Variants in NBPF26 observed in about 807,000 individuals in gnomAD.
The protein encoded by NBPF26 is NBPF member 26.
Under a neutral mutation model 119.6 loss-of-function variants are expected in NBPF26, and 79 were observed. The ratio of observed to expected loss-of-function variants is 0.66; its 90% CI spans 0.55 to 0.80. The LOEUF (loss-of-function observed/expected upper bound fraction) is 0.80. Among genes scored for constraint, NBPF26 ranks in the 30% least tolerant of loss-of-function variants. The pLI is 0.00. For missense variants in NBPF26, 800 were observed against 1,198.2 expected (o/e 0.67, Z 4.91); for synonymous variants, 299 against 457.7 (o/e 0.65, Z 4.43).
chr1:120,728,057 G>T lies in NBPF26; in HGVS notation c.73+3807G>T, dbSNP rs1448173754. On this transcript the variant is annotated intron_variant, in intron 1 of 29. Coordinates refer to ENST00000620612, the Ensembl canonical transcript of NBPF26. ...GTTGAGACTAGAATTCCTTTCTTCT[G>T]GTGTCCAGTGCCTCATTCACTGTCC... Among the ~76,000 whole-genome samples, 3 of 118,168 alleles carry T rather than the reference G, an allele frequency of 2.5e-5. 1 individual carries two copies. The highest frequency in any genetic ancestry group is 4.9e-5 in the Non-Finnish European group (3 of 61,268). 77.5% of individuals were successfully genotyped at this position (118,168 alleles called of 152,430 possible). A position where few individuals can be genotyped will look rare whatever the true frequency, so the allele number is the denominator to read the frequency against.
At chr1:120,810,555 C>A (rs1310902039) in exon 9 of NBPF26, 4 of 1,489,662 alleles carry the variant, frequency 2.7e-6, no homozygotes, top group Non-Finnish European at 2.7e-6. Flanking sequence ...AAACATTCTC[C>A]CAGGTAGCCT....
In NBPF26 at chr1:120,730,126, T is replaced by C. The variant is rs1650859809; in HGVS notation, c.73+5876T>C. On this transcript the variant is annotated intron_variant, in intron 1 of 29. Coordinates refer to ENST00000620612, the Ensembl canonical transcript of NBPF26. The stretch of plus-strand genomic sequence containing the variant: ...AAGCCTCCTTATTCCTCCATTAGAA[T>C]GTTACCTGAGATGTTAGAATGCATA... Among the ~76,000 whole-genome samples the C allele has an allele frequency of 9.2e-5, 6 of 65,454 alleles. 1 individual carries two copies. In the Admixed American group the frequency reaches 1.0e-3, roughly 11 times the overall value. The allele number at this position is 65,454 out of a possible 152,430, so 42.9% of individuals were successfully genotyped here.
chr1:120,820,456 A>G (rs1219196299), intron 15 of NBPF26, among the ~76,000 whole-genome samples: 2 of 19,524 alleles, frequency 1.0e-4, no homozygotes, highest in African/African-American at 3.8e-4. Flanking sequence ...AAATATATAT[A>G]TATATATATA....
At chr1:120,819,276 T>G (rs1652080303) in intron 15 of NBPF26, among the ~76,000 whole-genome samples, 1 of 117,692 alleles carries the variant, frequency 8.5e-6, no homozygotes, top group Non-Finnish European at 1.6e-5. Context: ...TTAAAGTCTG[T>G]TTTATCAGAG....
chr1:120,763,656 CTGTGTAAATAAAGGAATG>C (rs1651157206), exon 2 of NBPF26: 1 of 1,412,320 alleles, frequency 7.1e-7, no homozygotes, highest in Non-Finnish European at 9.5e-7. Flanking sequence ...GCTATGAACC[CTGTGTAAATAAAGGAATG>C]TGTGTTACCT....
chr1:120,814,740 G>C, intron 11 of NBPF26, 89 bp from the exon 12 acceptor site: 2 of 822,620 alleles, frequency 2.4e-6, no homozygotes, highest in Middle Eastern at 3.4e-4. Flanking sequence ...GTCTCCTTGA[G>C]GACATTGTCT....
chr1:120,755,949 T>C (rs1293178539), intron 1 of NBPF26, among the ~76,000 whole-genome samples: 1 of 108,226 alleles, frequency 9.2e-6, no homozygotes, highest in African/African-American at 5.7e-5. Flanking sequence ...TTTTTTTTTT[T>C]TTTTTTCCTT....
chr1:120,811,876 T>C lies in NBPF26; in HGVS notation c.1565-10T>C, dbSNP rs1651877290. On this transcript the variant is annotated splice_polypyrimidine_tract_variant and intron_variant, in intron 9 of 29. Transcript: ENST00000620612. ...TTAACCCATCATGTGTTTGCCTTTC[T>C]TCTCCCCAGTCCCTGGCCCCACCTC... is the stretch of plus-strand genomic sequence containing the variant. The C allele has an allele frequency of 2.4e-6, 2 of 829,910 alleles. 1 individual carries two copies. Among genetic ancestry groups the C allele is most frequent in the Non-Finnish European group, 3.8e-6 (2 of 523,050 alleles). 51.4% of individuals were successfully genotyped at this position (829,910 alleles called of 1,614,324 possible).
rs1425968559 is a variant in NBPF26 at position 120,789,981 on chromosome 1, C to T, written c.416-3180C>T. On this transcript the variant is annotated intron_variant, in intron 3 of 29. Transcript: ENST00000620612. ...TCCTTGTTGTTAAGAAGGATCTCTTCTTGGTGTGTTCTGCAAGATTCTGAT... is the reference window on the plus strand; with the variant it reads ...TCCTTGTTGTTAAGAAGGATCTCTTTTTGGTGTGTTCTGCAAGATTCTGAT... Among the ~76,000 whole-genome samples, 10 of 73,048 alleles carry T rather than the reference C, an allele frequency of 1.4e-4. 2 individuals are homozygous for T. Among genetic ancestry groups the T allele is most frequent in the Non-Finnish European group, 2.4e-4 (10 of 41,952 alleles). 47.9% of individuals were successfully genotyped at this position (73,048 alleles called of 152,430 possible). A position where few individuals can be genotyped will look rare whatever the true frequency, so the allele number is the denominator to read the frequency against.
chr1:120,778,470 A>T lies in NBPF26; in HGVS notation c.156-6504A>T. Among the ~76,000 whole-genome samples, 2 of 106,726 alleles carry T rather than the reference A, an allele frequency of 1.9e-5. 1 individual carries two copies. The highest frequency in any genetic ancestry group is 3.5e-5 in the Non-Finnish European group (2 of 57,694). The allele number at this position is 106,726 out of a possible 152,430, so 70.0% of individuals were successfully genotyped here. A position where few individuals can be genotyped will look rare whatever the true frequency, so the allele number is the denominator to read the frequency against. On this transcript the variant is annotated intron_variant, in intron 2 of 29. Transcript: ENST00000620612. ...GAGACTTTTTTTTCCCCTTCGTTCC[A>T]CATTCTGTATAGTTTTTTTAAAAAT...
At position 120,724,281 on chromosome 1, in the gene NBPF26, G is replaced by A; in HGVS notation, c.73+31G>A. The A allele has an allele frequency of 2.2e-6, 3 of 1,375,868 alleles. 1 individual carries two copies. Among genetic ancestry groups the A allele is most frequent in the Non-Finnish European group, 2.8e-6 (3 of 1,054,438 alleles). The allele number at this position is 1,375,868 out of a possible 1,614,324, so 85.2% of individuals were successfully genotyped here. A position where few individuals can be genotyped will look rare whatever the true frequency, so the allele number is the denominator to read the frequency against. On this transcript the variant is annotated intron_variant, in intron 1 of 29. Coordinates refer to ENST00000620612, the Ensembl canonical transcript of NBPF26. ...TATCGGGCTGAGGGGCGCTGTCCGC[G>A]GCGCCCGGGGCTGCCACCTGGGGCG... is the stretch of plus-strand genomic sequence containing the variant.
At chr1:120,808,301 G>C (rs1342194236) in intron 6 of NBPF26, among the ~76,000 whole-genome samples, 1 of 119,022 alleles carries the variant, frequency 8.4e-6, no homozygotes, top group African/African-American at 4.4e-5. Flanking sequence ...ACCTACTTTT[G>C]TTTACAGAAG....
At position 120,743,757 on chromosome 1, in the gene NBPF26, A is replaced by T. The variant is rs1259539239; in HGVS notation, c.73+19507A>T. Among the ~76,000 whole-genome samples the T allele has an allele frequency of 1.7e-5, 2 of 120,714 alleles. 1 individual carries two copies. The highest frequency in any genetic ancestry group is 3.3e-5 in the Non-Finnish European group (2 of 59,750). The allele number at this position is 120,714 out of a possible 152,430, so 79.2% of individuals were successfully genotyped here. On this transcript the variant is annotated intron_variant, in intron 1 of 29. Transcript: ENST00000620612. ...GTTTGAAAAAACACCGTAAGCCTGC[A>T]TTCCAGAAGTTCTGGTATGGATAGT...
At chr1:120,825,114 T>G (rs1225010679) in intron 18 of NBPF26, among the ~76,000 whole-genome samples, 197 bp downstream of exon 19, 9 of 122,076 alleles carry the variant, frequency 7.4e-5, no homozygotes, top group Admixed American at 6.9e-4. Context: ...TAACTTACTA[T>G]AGGTTGACCA....
At chr1:120,823,238 G>C (rs1438850241) in intron 16 of NBPF26, 71 bp from the exon 17 acceptor site, 1 of 777,520 alleles carries the variant, frequency 1.3e-6, no homozygotes, top group Non-Finnish European at 2.1e-6. Context: ...GTTAGGATTG[G>C]ACAGAGGAAT....
In NBPF26 at chr1:120,817,329, ATATATTTCC is replaced by A. The variant is rs1472012122; in HGVS notation, c.2371+503_2371+511del. On this transcript the variant is annotated intron_variant, in intron 14 of 29. Coordinates refer to ENST00000620612, the Ensembl canonical transcript of NBPF26. ...GAAACTTTTCTTCTTTACTTTGCTG[ATATATTTCC>A]ATAAAGCAAGGCTGGACCCTGGTTC... Among the ~76,000 whole-genome samples the A allele has an allele frequency of 3.1e-5, 3 of 95,932 alleles. 1 individual carries two copies. The highest frequency in any genetic ancestry group is 5.5e-5 in the Non-Finnish European group (3 of 54,278). 62.9% of individuals were successfully genotyped at this position (95,932 alleles called of 152,430 possible). A position where few individuals can be genotyped will look rare whatever the true frequency, so the allele number is the denominator to read the frequency against.
chr1:120,778,324 G>A lies in NBPF26; in HGVS notation c.156-6650G>A, dbSNP rs1189334957. 2.3e-4 allele frequency among the ~76,000 whole-genome samples: 19 copies of A among 81,102 alleles called. 2 individuals are homozygous for A. In the South Asian group the frequency reaches 5.5e-3, roughly 23 times the overall value. The allele number at this position is 81,102 out of a possible 152,430, so 53.2% of individuals were successfully genotyped here. A position where few individuals can be genotyped will look rare whatever the true frequency, so the allele number is the denominator to read the frequency against. On this transcript the variant is annotated intron_variant, in intron 2 of 29. Coordinates refer to ENST00000620612, the Ensembl canonical transcript of NBPF26. ...GGATTGGGGGGCCAAGAGGCCCAGCGCAAGAAGAAAGTGGGTTGAAAGCAG... is the reference window on the plus strand; with the variant it reads ...GGATTGGGGGGCCAAGAGGCCCAGCACAAGAAGAAAGTGGGTTGAAAGCAG...
At chr1:120,759,267 C>CTT (rs1169932555) in intron 1 of NBPF26, among the ~76,000 whole-genome samples, 12 of 33,288 alleles carry the variant, frequency 3.6e-4, no homozygotes, top group East Asian at 6.1e-4. Context: ...CTTCTTTTTG[C>CTT]TTTTTTTTTT....
chr1:120,805,137 C>A (rs1386716488), intron 4 of NBPF26, among the ~76,000 whole-genome samples: 4,831 of 125,112 alleles, frequency 0.039, 1,154 homozygotes, highest in Non-Finnish European at 0.052. Flanking sequence ...AACAAGGGTA[C>A]ACGAATACTG....
Sources: allele counts gnomAD v4.1 joint callset (sites outside exome capture counted in the v4.1 genomes callset), GRCh38; gene constraint gnomAD v4.1.1; transcripts MANE v1.5; gene names NCBI Gene and HGNC (gene_info 2026-07-23, HGNC 2026-07-21).